The following TMEM232 variants were observed in gnomAD, a reference collection of about 807,000 sequenced individuals.
The protein encoded by TMEM232 is transmembrane protein 232.
In TMEM232, 80 loss-of-function variants were observed where a neutral mutation model predicts 78.8. The observed-to-expected ratio is 1.01, with a 90% confidence interval of 0.85 to 1.22. The LOEUF (loss-of-function observed/expected upper bound fraction) is 1.22. Ranked by LOEUF, TMEM232 falls within the 50% of genes most tolerant of loss-of-function variation. The pLI is 0.00. For synonymous variants in TMEM232, 297 were observed against 254.3 expected (o/e 1.17, Z -1.60); for missense variants, 881 against 742.2 (o/e 1.19, Z -2.17).
At chr5:110,572,121 G>A (rs1208314470) in intron 10 of TMEM232, among the ~76,000 whole-genome samples, 1 of 151,960 alleles carries the variant, frequency 6.6e-6, no homozygotes, top group African/African-American at 2.4e-5. Flanking sequence ...TTAAGCTCAG[G>A]AGACTGAAAC....
At chr5:110,738,613 C>T, upstream of TMEM232, 1 of 198,330 alleles carries the variant, frequency 5.0e-6, no homozygotes, top group South Asian at 7.2e-5. Flanking sequence ...CCCTCCACAA[C>T]TCCAACCTCT....
intron 12 of TMEM232, among the ~76,000 whole-genome samples, chr5:110,525,513 C>T (rs1481951764): frequency 3.3e-5 from 5 of 151,772 alleles, no homozygotes; most frequent in African/African-American, 1.2e-4. Context: ...TATATGAAAA[C>T]ATTTTAACAC....
At chr5:110,718,314 G>C (rs1326591453) in intron 1 of TMEM232, among the ~76,000 whole-genome samples, 2 of 152,100 alleles carry the variant, frequency 1.3e-5, no homozygotes, top group South Asian at 2.1e-4. Context: ...TCCATACCAG[G>C]ATTATTATGA....
intron 10 of TMEM232, among the ~76,000 whole-genome samples, chr5:110,602,695 G>C (rs564706151): frequency 1.1e-4 from 16 of 152,248 alleles, no homozygotes; most frequent in Admixed American, 3.3e-4. Flanking sequence ...ACTGTTGGTG[G>C]GAGTGTAAAT....
chr5:110,730,112 C>T (rs1374945442), upstream of TMEM232, among the ~76,000 whole-genome samples: 1 of 152,102 alleles, frequency 6.6e-6, no homozygotes, highest in Non-Finnish European at 1.5e-5. Flanking sequence ...TTAAAATATG[C>T]ATTATATTTT....
At chr5:110,475,766 A>G (rs910819008) in intron 12 of TMEM232, among the ~76,000 whole-genome samples, 1 of 151,572 alleles carries the variant, frequency 6.6e-6, no homozygotes, top group African/African-American at 2.4e-5. Context: ...CTGAGTACTC[A>G]TTAATTGCAG....
intron 12 of TMEM232, among the ~76,000 whole-genome samples, chr5:110,478,152 T>C (rs961449186): frequency 6.6e-6 from 1 of 151,980 alleles, no homozygotes; most frequent in African/African-American, 2.4e-5. Flanking sequence ...GCTATGAATT[T>C]TTCCTGCGTT....
chr5:110,465,510 C>T (rs1410905712), intron 12 of TMEM232, among the ~76,000 whole-genome samples: 3 of 152,140 alleles, frequency 2.0e-5, no homozygotes, highest in Non-Finnish European at 4.4e-5. Flanking sequence ...TTCTTTTCTT[C>T]TTTGTGTATA....
intron 2 of TMEM232, among the ~76,000 whole-genome samples, chr5:110,647,769 G>A (rs924895485): frequency 6.6e-5 from 10 of 151,796 alleles, no homozygotes; most frequent in Non-Finnish European, 1.3e-4. Flanking sequence ...TGTTGGTTGT[G>A]CTAACCAATG....
intron 12 of TMEM232, among the ~76,000 whole-genome samples, chr5:110,478,283 T>G (rs1360105369): frequency 1.3e-5 from 2 of 152,084 alleles, no homozygotes; most frequent in East Asian, 3.9e-4. Flanking sequence ...TTTTTAAACC[T>G]TAAGCCAGAT....
At chr5:110,688,586 C>G (rs1221638620) in intron 1 of TMEM232, among the ~76,000 whole-genome samples, 1 of 152,140 alleles carries the variant, frequency 6.6e-6, no homozygotes, top group Non-Finnish European at 1.5e-5. Flanking sequence ...CTGGGCCTAA[C>G]TGTGGCCCAT....
chr5:110,716,182 C>A (rs565663482), intron 1 of TMEM232, among the ~76,000 whole-genome samples: 1 of 151,990 alleles, frequency 6.6e-6, no homozygotes, highest in Admixed American at 6.6e-5. Context: ...CATGGGTACT[C>A]GTATTTGGCT....
chr5:110,736,803 C>G (rs1028288750), intron 1 of TMEM232, among the ~76,000 whole-genome samples: 1 of 152,042 alleles, frequency 6.6e-6, no homozygotes, highest in Non-Finnish European at 1.5e-5. Context: ...TTTGCAAGAT[C>G]TGGCACCTAG....
intron 12 of TMEM232, among the ~76,000 whole-genome samples, chr5:110,441,005 A>G (rs548632369): frequency 1.2e-4 from 18 of 152,242 alleles, no homozygotes; most frequent in Admixed American, 5.9e-4. Context: ...GTGGCTTTCA[A>G]GGTCATTTTG....
intron 1 of TMEM232, among the ~76,000 whole-genome samples, chr5:110,716,618 A>C (rs912543288): frequency 1.4e-4 from 21 of 152,268 alleles, no homozygotes; most frequent in African/African-American, 4.6e-4. Flanking sequence ...TAATGTAAGC[A>C]AAGGGGAGTG....
intron 11 of TMEM232, among the ~76,000 whole-genome samples, chr5:110,552,419 A>G (rs1774581810): frequency 6.6e-6 from 1 of 152,112 alleles, no homozygotes; most frequent in Non-Finnish European, 1.5e-5. Context: ...ATTACATTAC[A>G]TGTAAATATA....
intron 10 of TMEM232, among the ~76,000 whole-genome samples, chr5:110,601,176 G>T (rs968811440): frequency 6.6e-6 from 1 of 152,104 alleles, no homozygotes; most frequent in African/African-American, 2.4e-5. Flanking sequence ...AGAGCCATCA[G>T]TAACAAACTC....
At position 110,419,898 on chromosome 5, in the gene TMEM232, T is replaced by G. The variant is rs966093331; in HGVS notation, c.*682A>C. 2.6e-5 allele frequency among the ~76,000 whole-genome samples: 4 copies of G among 152,158 alleles called. No individual in the cohort carries two copies. The highest frequency in any genetic ancestry group is 9.6e-5 in the African/African-American group (4 of 41,454). ...AAAATAACTCCTATTTCTATGAATG[T>G]CTTCAGCAGTTGCTCCTGGACCTTC... On this transcript the variant is annotated 3_prime_UTR_variant, in exon 14 of 14. Coordinates refer to ENST00000455884, the MANE Select transcript of TMEM232 (RefSeq NM_001039763.4).
chr5:110,625,335 G>A lies in TMEM232; in HGVS notation c.700C>T (p.Leu234Phe), dbSNP rs61730861. The A allele has an allele frequency of 1.9e-6, 3 of 1,547,374 alleles. No individual in the cohort carries two copies. The highest frequency in any genetic ancestry group is 8.7e-7 in the Non-Finnish European group (1 of 1,144,606). The change falls in exon 7 of 14, where the codon CTC becomes TTC. Residue 234 changes from leucine to phenylalanine, a missense_variant. Leu to Phe is a conservative substitution (Grantham distance 22). Transcript: ENST00000455884. ...GGTCTAAAAATGGATTCAGAACGGA[G>A]TTCTCTTTTACCTATAATTTCCGAG... ...KASEIIGKRE[L>F]RSESIFRPVE...
Sources: allele counts gnomAD v4.1 joint callset (sites outside exome capture counted in the v4.1 genomes callset), GRCh38; gene constraint gnomAD v4.1.1; transcripts MANE v1.5; gene names NCBI Gene and HGNC (gene_info 2026-07-23, HGNC 2026-07-21).